Variants in POLK observed in about 807,000 individuals in gnomAD.
POLK encodes the protein polymerase (DNA directed) kappa.
In POLK, 76 loss-of-function variants were observed where a neutral mutation model predicts 94.0. The observed-to-expected ratio is 0.81, with a 90% confidence interval of 0.67 to 0.98. The LOEUF is 0.98. POLK is among the 50% of genes least tolerant of loss of function. The probability of loss-of-function intolerance (pLI) is 0.00; values close to 1 mark genes in which losing one functional copy is unlikely to be tolerated. For missense variants in POLK, 954 were observed against 1,010.1 expected (o/e 0.94, Z 0.75); for synonymous variants, 349 against 325.4 (o/e 1.07, Z -0.78).
chr5:75,609,962 G>T, the POLK span: 2 of 152,146 alleles, frequency 1.3e-5, no homozygotes, highest in African/African-American at 4.8e-5. Context: ...TTTGTAAGAA[G>T]AATAAATAAA....
At chr5:75,524,843 A>G (rs1018918370) in intron 1 of POLK, among the ~76,000 whole-genome samples, 8 of 152,190 alleles carry the variant, frequency 5.3e-5, no homozygotes, top group Non-Finnish European at 1.2e-4. Context: ...ACCAAAGAGT[A>G]GGGAAGGCAC....
rs774673047 is a variant in POLK at position 75,596,382 on chromosome 5, TAAG to T, written c.1694_1696del (p.Lys565del). ...TTGTAAAACCTCTAGAAATGTCTCA[TAAG>T]AAGAGTTTCTTTGATAAAAAACGAT... On this transcript the variant is annotated inframe_deletion, in exon 13 of 15. Transcript: ENST00000241436. The T allele has an allele frequency of 3.1e-6, 5 of 1,613,748 alleles. 1 individual carries two copies. Among genetic ancestry groups the T allele is most frequent in the Non-Finnish European group, 2.5e-6 (3 of 1,179,672 alleles).
chr5:75,579,507 G>A (rs1459073918), intron 6 of POLK, among the ~76,000 whole-genome samples: 3 of 151,458 alleles, frequency 2.0e-5, no homozygotes, highest in East Asian at 2.0e-4. Context: ...GTAGCTGTGC[G>A]CCACCATTCC....
At chr5:75,535,010 G>A (rs1035033327) in intron 1 of POLK, 2 of 152,136 alleles carry the variant, frequency 1.3e-5, no homozygotes, top group Non-Finnish European at 2.9e-5. Flanking sequence ...GTTGTTAGTC[G>A]GTTATTATGA....
chr5:75,561,523 T>C lies in POLK; in HGVS notation c.256-7817T>C, dbSNP rs192381153. 1.6e-3 allele frequency among the ~76,000 whole-genome samples: 247 copies of C among 152,364 alleles called. 2 individuals are homozygous for C. The highest frequency in any genetic ancestry group is 5.6e-3 in the African/African-American group (235 of 41,596). ...CTCTTTAGTTTAATTAGATCCCATT[T>C]GTCAATTTTGGCTTTTGTTGCAATT... On this transcript the variant is annotated intron_variant, in intron 3 of 14. Coordinates refer to ENST00000241436, the Ensembl canonical transcript of POLK.
chr5:75,595,548 A>G (rs974058806), intron 12 of POLK, among the ~76,000 whole-genome samples: 3 of 150,046 alleles, frequency 2.0e-5, no homozygotes, highest in African/African-American at 7.6e-5. Context: ...TATGAGTACC[A>G]TAAAAAATAA....
Position 75,526,698 on chromosome 5 carries a change from T to C in POLK, c.-14+14784T>C, listed in dbSNP as rs575123680. On this transcript the variant is annotated intron_variant, in intron 1 of 14. Coordinates refer to ENST00000241436, the Ensembl canonical transcript of POLK. ...CCAGGTTCAATTGATTCTCGTGCCTTAGCCTCCTGAGTAGCTGGGATTACA... is the reference window on the plus strand; with the variant it reads ...CCAGGTTCAATTGATTCTCGTGCCTCAGCCTCCTGAGTAGCTGGGATTACA... Among the ~76,000 whole-genome samples the C allele has an allele frequency of 3.3e-5, 5 of 151,886 alleles. No individual in the cohort carries two copies. In the East Asian group the frequency reaches 7.8e-4, roughly 24 times the overall value.
chr5:75,569,216 G>C lies in POLK; in HGVS notation c.256-124G>C, dbSNP rs373630071. 2.3e-4 allele frequency: 145 copies of C among 640,040 alleles called. No homozygotes were observed. In the African/African-American group the frequency reaches 2.5e-3, roughly 11 times the overall value. The allele number at this position is 640,040 out of a possible 1,614,324, so 39.6% of individuals were successfully genotyped here. On this transcript the variant is annotated intron_variant, in intron 3 of 14. Transcript: ENST00000241436. ...GGGTGGATGGATGAATGGATGGATGGATGGATGAATGGGTGTGTGGACAGA... is the reference window on the plus strand; with the variant it reads ...GGGTGGATGGATGAATGGATGGATGCATGGATGAATGGGTGTGTGGACAGA...
intron 3 of POLK, 136 bp from the exon 4 acceptor site, chr5:75,569,204 A>AATGG (rs972243633): frequency 1.5e-5 from 9 of 610,724 alleles, no homozygotes; most frequent in African/African-American, 3.7e-5. Flanking sequence ...TGGATGGATG[A>AATGG]ATGGATGGAT....
chr5:75,561,066 C>G (rs1770946354), intron 3 of POLK, among the ~76,000 whole-genome samples: 1 of 152,140 alleles, frequency 6.6e-6, no homozygotes, highest in African/African-American at 2.4e-5. Flanking sequence ...ATTTCTGGTT[C>G]TAGATCCTTG....
chr5:75,591,439 A>G (rs1772778420), intron 11 of POLK, among the ~76,000 whole-genome samples: 1 of 152,180 alleles, frequency 6.6e-6, no homozygotes. Context: ...ATTTAATTTT[A>G]TGATCATTTT....
At chr5:75,574,643 G>A (rs115385014) in intron 5 of POLK, among the ~76,000 whole-genome samples, 46 of 152,200 alleles carry the variant, frequency 3.0e-4, no homozygotes, top group African/African-American at 1.1e-3. Flanking sequence ...TATACCAGGG[G>A]TCTTTAAATT....
chr5:75,511,400 AAGG>A (rs1279678355), upstream of POLK: 9 of 1,545,712 alleles, frequency 5.8e-6, no homozygotes, highest in African/African-American at 9.6e-5. Flanking sequence ...CGGAGCGAGG[AAGG>A]AGGACGAGCG....
At chr5:75,590,249 T>A (rs888851758) in intron 10 of POLK, 95 bp from the exon 11 acceptor site, 2 of 560,220 alleles carry the variant, frequency 3.6e-6, no homozygotes, top group African/African-American at 3.7e-5. Flanking sequence ...CAGAAAAATA[T>A]AACTTAATGC....
intron 3 of POLK, among the ~76,000 whole-genome samples, chr5:75,561,195 T>TGA (rs1770954559): frequency 6.6e-6 from 1 of 152,256 alleles, no homozygotes; most frequent in Non-Finnish European, 1.5e-5. Context: ...GACTTTTTAA[T>TGA]GATTGCCATT....
upstream of POLK, chr5:75,511,575 C>T (rs1463930724): frequency 8.2e-6 from 12 of 1,461,134 alleles, no homozygotes; most frequent in Middle Eastern, 2.5e-4. Context: ...CGCTGAGTCC[C>T]GCGTCCACTC....
In POLK at chr5:75,526,796, G is replaced by T. The variant is rs186492302; in HGVS notation, c.-14+14882G>T. On this transcript the variant is annotated intron_variant, in intron 1 of 14. Transcript: ENST00000241436. ...GTATTTTGCCATGTTGGCCAGGCTG[G>T]TCTCGAACTCCTGGCCTCAAGTAAT... Among the ~76,000 whole-genome samples the T allele has an allele frequency of 2.3e-3, 357 of 152,130 alleles. 1 individual carries two copies. Among genetic ancestry groups the T allele is most frequent in the African/African-American group, 8.4e-3 (349 of 41,516 alleles).
chr5:75,527,587 G>GTA (rs1768934754), intron 1 of POLK, among the ~76,000 whole-genome samples: 1 of 151,572 alleles, frequency 6.6e-6, no homozygotes, highest in Admixed American at 6.6e-5. Context: ...ATGTGTGTGT[G>GTA]TATATATATA....
upstream of POLK, chr5:75,511,679 C>G: frequency 6.5e-7 from 1 of 1,530,742 alleles, no homozygotes. Flanking sequence ...CCCATTCTCC[C>G]CCACTACTCC....
Sources: allele counts gnomAD v4.1 joint callset (sites outside exome capture counted in the v4.1 genomes callset), GRCh38; gene constraint gnomAD v4.1.1; transcripts MANE v1.5; gene names NCBI Gene and HGNC (gene_info 2026-07-23, HGNC 2026-07-21).